The following PGPEP1 variants were observed in gnomAD, a reference collection of about 807,000 sequenced individuals.
PGPEP1 encodes the protein pyroglutamyl-peptidase I.
A neutral mutation model predicts 24.1 loss-of-function variants in PGPEP1; 15 were observed. That is an observed-to-expected ratio of 0.62 (90% CI 0.42 to 0.96). The LOEUF (loss-of-function observed/expected upper bound fraction) is 0.96, where lower values mean the gene tolerates loss of function less well. Among genes scored for constraint, PGPEP1 ranks in the 40% least tolerant of loss-of-function variants. PGPEP1 has a pLI of 0.00. For synonymous variants in PGPEP1, 122 were observed against 116.4 expected, an observed-to-expected ratio of 1.05 and a Z score of -0.31; for missense variants, 242 against 273.4, an observed-to-expected ratio of 0.89 and a Z score of 0.81.
At chr19:18,353,693 T>C (rs1389874599) in intron 2 of PGPEP1, among the ~76,000 whole-genome samples, 7 of 152,178 alleles carry the variant, frequency 4.6e-5, no homozygotes, top group African/African-American at 1.7e-4. Flanking sequence ...TTCCTGTCTC[T>C]ATGGATTTGC....
rs555444503 is a variant in PGPEP1, at chr19:18,364,452, A to G, written c.*869A>G. 1.4e-4 allele frequency: 22 copies of G among 152,250 alleles called. No homozygotes were observed. The highest frequency in any genetic ancestry group is 5.3e-4 in the African/African-American group (22 of 41,512). The allele number at this position is 152,250 out of a possible 1,614,324, so 9.4% of individuals were successfully genotyped here. On this transcript the variant is annotated 3_prime_UTR_variant, in exon 5 of 5. Coordinates refer to ENST00000269919, the MANE Select transcript of PGPEP1 (RefSeq NM_017712.4). ...AACATGGTGAAACCCTGCCTCTACT[A>G]AAAATACAAAAATTAGCCGGGCATG...
intron 2 of PGPEP1, among the ~76,000 whole-genome samples, chr19:18,344,802 C>T (rs1395807864): frequency 6.6e-6 from 1 of 151,972 alleles, no homozygotes; most frequent in African/African-American, 2.4e-5. Flanking sequence ...GACACAAAGC[C>T]GGGTGTCTGA....
Position 18,368,483 on chromosome 19 carries a change from G to A in PGPEP1, c.*4900G>A, listed in dbSNP as rs191286752. ...AATTCCCTGCTCTGCTTTTCTGCTC[G>A]TTGCTGGCATAGAAACATCTAGAAC... On this transcript the variant is annotated 3_prime_UTR_variant, in exon 5 of 5. Coordinates refer to ENST00000269919, the MANE Select transcript of PGPEP1 (RefSeq NM_017712.4). 5 of 151,940 alleles carry A rather than the reference G, an allele frequency of 3.3e-5. No individual in the cohort carries two copies. Among genetic ancestry groups the A allele is most frequent in the African/African-American group, 9.7e-5 (4 of 41,342 alleles). The allele number at this position is 151,940 out of a possible 1,614,324, so 9.4% of individuals were successfully genotyped here.
intron 3 of PGPEP1, among the ~76,000 whole-genome samples, chr19:18,356,822 G>A (rs572261641): frequency 4.1e-4 from 62 of 151,816 alleles, no homozygotes; most frequent in African/African-American, 1.4e-3. Flanking sequence ...GTGGATCACC[G>A]GAGGTCAGGA....
chr19:18,363,605 A>G lies in PGPEP1; in HGVS notation c.*22A>G, dbSNP rs1447176549. 3.1e-6 allele frequency: 5 copies of G among 1,589,458 alleles called. No individual in the cohort carries two copies. Among genetic ancestry groups the G allele is most frequent in the African/African-American group, 1.3e-5 (1 of 74,424 alleles). On this transcript the variant is annotated 3_prime_UTR_variant, in exon 5 of 5. Transcript: ENST00000269919. Reference sequence around the variant, plus strand: ...CTGAGGGACGCTCAGGTCTCCTAAGACCTCATCCTGCTGGGGACCCCACGA... The same window carrying G: ...CTGAGGGACGCTCAGGTCTCCTAAGGCCTCATCCTGCTGGGGACCCCACGA...
intron 2 of PGPEP1, among the ~76,000 whole-genome samples, chr19:18,349,816 T>C (rs1254455994): frequency 6.6e-6 from 1 of 152,204 alleles, no homozygotes; most frequent in Non-Finnish European, 1.5e-5. Flanking sequence ...TCATTTTGTT[T>C]TTAATTTTGA....
At chr19:18,342,661 G>C (rs10424419) in intron 1 of PGPEP1, among the ~76,000 whole-genome samples, 198 bp from the exon 2 acceptor site, 35,791 of 152,148 alleles carry the variant, frequency 0.24, 4,776 homozygotes, top group Non-Finnish European at 0.27. Context: ...ATTGACTTCA[G>C]AGCGGACAGG....
intron 3 of PGPEP1, among the ~76,000 whole-genome samples, chr19:18,356,846 C>T (rs1472661275): frequency 6.6e-6 from 1 of 152,176 alleles, no homozygotes. Context: ...TGATCCCAGC[C>T]TGGCCAATAT....
rs1240837392 is a variant in PGPEP1 at position 18,367,486 on chromosome 19, A to T, written c.*3903A>T. The T allele has an allele frequency of 1.3e-5, 2 of 152,086 alleles. No homozygotes were observed. The highest frequency in any genetic ancestry group is 2.9e-5 in the Non-Finnish European group (2 of 68,056). 9.4% of individuals were successfully genotyped at this position (152,086 alleles called of 1,614,324 possible). On this transcript the variant is annotated 3_prime_UTR_variant, in exon 5 of 5. Transcript: ENST00000269919. Reference sequence around the variant, plus strand: ...GGCACCTGGTACCCTGACCAACTTGATGATGGCATCTCTTTTAAGATGCCC... The same window carrying T: ...GGCACCTGGTACCCTGACCAACTTGTTGATGGCATCTCTTTTAAGATGCCC...
chr19:18,342,762 T>G (rs776374100), intron 1 of PGPEP1, 97 bp from the exon 2 acceptor site: 238 of 933,532 alleles, frequency 2.5e-4, no homozygotes, highest in Non-Finnish European at 3.7e-4. Flanking sequence ...GCCCTGAAGC[T>G]CCTTTCTTGC....
intron 2 of PGPEP1, among the ~76,000 whole-genome samples, chr19:18,347,616 CTCTCTG>C (rs1338291975): frequency 2.7e-5 from 4 of 150,676 alleles, no homozygotes; most frequent in Non-Finnish European, 5.9e-5. Context: ...CTGACTCCAT[CTCTCTG>C]TCTCTGTCTC....
intron 2 of PGPEP1, among the ~76,000 whole-genome samples, chr19:18,351,812 T>C (rs1010049305): frequency 4.6e-5 from 7 of 151,724 alleles, no homozygotes; most frequent in Non-Finnish European, 1.0e-4. Context: ...CTCAGGTGTG[T>C]GAATAATAGA....
intron 4 of PGPEP1, among the ~76,000 whole-genome samples, chr19:18,358,961 G>A (rs1294183044): frequency 6.6e-6 from 1 of 152,076 alleles, no homozygotes. Flanking sequence ...CGAATGTTGA[G>A]GGAGATGATT....
At chr19:18,352,874 A>G (rs1322455255) in intron 2 of PGPEP1, among the ~76,000 whole-genome samples, 1 of 149,474 alleles carries the variant, frequency 6.7e-6, no homozygotes, top group African/African-American at 2.5e-5. Flanking sequence ...CTATTATTCA[A>G]CTTTTTCTGG....
chr19:18,362,717 ACT>A (rs1431693369), intron 4 of PGPEP1, among the ~76,000 whole-genome samples: 2 of 130,014 alleles, frequency 1.5e-5, no homozygotes, highest in African/African-American at 5.5e-5. Context: ...AACAGAGCAG[ACT>A]CTGTCTCAAA....
chr19:18,358,804 T>C (rs1268041745), intron 4 of PGPEP1, among the ~76,000 whole-genome samples: 1 of 145,648 alleles, frequency 6.9e-6, no homozygotes, highest in Non-Finnish European at 1.5e-5. Flanking sequence ...TTAGTAGAGA[T>C]GGGGTTTCAC....
At chr19:18,346,340 G>A (rs1359976674) in intron 2 of PGPEP1, among the ~76,000 whole-genome samples, 1 of 152,090 alleles carries the variant, frequency 6.6e-6, no homozygotes, top group East Asian at 1.9e-4. Context: ...AGTGTTGTTG[G>A]TGTAATGCAG....
rs184301432 is a variant in PGPEP1 at position 18,364,769 on chromosome 19, C to G, written c.*1186C>G. The G allele has an allele frequency of 3.3e-5, 5 of 152,316 alleles. No individual in the cohort carries two copies. The highest frequency in any genetic ancestry group is 1.2e-4 in the African/African-American group (5 of 41,554). 9.4% of individuals were successfully genotyped at this position (152,316 alleles called of 1,614,324 possible). A position where few individuals can be genotyped will look rare whatever the true frequency, so the allele number is the denominator to read the frequency against. ...GGTCCTTTCAACACCAAGCTATGAG[C>G]TGTCGCCATGGAGACCAGGGCCACC... On this transcript the variant is annotated 3_prime_UTR_variant, in exon 5 of 5. Transcript: ENST00000269919.
chr19:18,343,085 C>T (rs914925763), intron 2 of PGPEP1, among the ~76,000 whole-genome samples, 174 bp downstream of exon 2: 3 of 151,666 alleles, frequency 2.0e-5, no homozygotes, highest in South Asian at 2.1e-4. Context: ...CTGCAACCTT[C>T]GCCTCCTGGG....
Sources: gnomAD v4.1 joint callset for allele counts (sites outside exome capture counted in the v4.1 genomes callset) on GRCh38, gnomAD v4.1.1 for gene constraint, MANE v1.5 for transcripts, NCBI Gene and HGNC (gene_info 2026-07-23, HGNC 2026-07-21) for gene names.